Variants in CNTNAP4 observed in about 807,000 individuals in gnomAD.
CNTNAP4 encodes contactin associated protein family member 4.
CNTNAP4 carries 98 observed loss-of-function variants against 148.4 expected under a neutral mutation model. The observed-to-expected ratio is 0.66, with a 90% confidence interval of 0.56 to 0.78. The LOEUF (loss-of-function observed/expected upper bound fraction) is 0.78. Among genes scored for constraint, CNTNAP4 ranks in the 30% least tolerant of loss-of-function variants. The probability of loss-of-function intolerance (pLI) is 0.00; values close to 1 mark genes in which losing one functional copy is unlikely to be tolerated. For synonymous variants in CNTNAP4, 730 were observed against 565.1 expected (o/e 1.29, Z -4.14); for missense variants, 1,935 against 1,565.6 (o/e 1.24, Z -3.98).
intron 17 of CNTNAP4, among the ~76,000 whole-genome samples, chr16:76,523,663 T>G (rs2083584295): frequency 6.6e-6 from 1 of 152,150 alleles, no homozygotes; most frequent in African/African-American, 2.4e-5. Context: ...AGGCCAGGCA[T>G]GATGTAGTCC....
chr16:76,394,808 T>G (rs1472411272), intron 3 of CNTNAP4, among the ~76,000 whole-genome samples: 2 of 152,106 alleles, frequency 1.3e-5, no homozygotes, highest in African/African-American at 4.8e-5. Context: ...ATTTCTGTGA[T>G]GAGTGATACA....
At chr16:76,516,888 A>G (rs1418243848) in intron 15 of CNTNAP4, among the ~76,000 whole-genome samples, 1 of 152,114 alleles carries the variant, frequency 6.6e-6, no homozygotes, top group Non-Finnish European at 1.5e-5. Flanking sequence ...ACATGGTGAA[A>G]CCCTGTCTCT....
intron 11 of CNTNAP4, among the ~76,000 whole-genome samples, chr16:76,476,711 A>T (rs2081597455): frequency 6.6e-6 from 1 of 152,072 alleles, no homozygotes; most frequent in South Asian, 2.1e-4. Flanking sequence ...TTTCTCTGGG[A>T]AATCTTTTAC....
At chr16:76,334,242 AT>A (rs201591904) in intron 2 of CNTNAP4, among the ~76,000 whole-genome samples, 4 of 150,532 alleles carry the variant, frequency 2.7e-5, no homozygotes, top group African/African-American at 7.3e-5. Flanking sequence ...TTTGAGGTTT[AT>A]TTTTTTTTCA....
chr16:76,379,821 C>T (rs117349574), intron 3 of CNTNAP4, among the ~76,000 whole-genome samples: 3,762 of 152,194 alleles, frequency 0.025, 62 homozygotes, highest in Middle Eastern at 0.051. Context: ...TTCATGGATC[C>T]GTAATATTCT....
intron 3 of CNTNAP4, among the ~76,000 whole-genome samples, chr16:76,366,365 T>C (rs867846372): frequency 1.3e-5 from 2 of 152,182 alleles, no homozygotes; most frequent in Non-Finnish European, 2.9e-5. Flanking sequence ...CTCCCACTTA[T>C]AAGTAGGAAC....
intron 3 of CNTNAP4, among the ~76,000 whole-genome samples, chr16:76,377,218 C>T (rs957223035): frequency 2.6e-5 from 4 of 152,044 alleles, no homozygotes; most frequent in African/African-American, 9.7e-5. Context: ...AGATAATTTG[C>T]TTTACTTAGT....
chr16:76,342,547 A>G (rs1257437189), intron 2 of CNTNAP4, among the ~76,000 whole-genome samples: 4 of 131,600 alleles, frequency 3.0e-5, no homozygotes, highest in South Asian at 2.3e-4. Flanking sequence ...ATCTCGGCTC[A>G]CTGCAAGCTC....
intron 23 of CNTNAP4, among the ~76,000 whole-genome samples, chr16:76,554,126 A>G (rs986518681): frequency 5.9e-5 from 9 of 152,166 alleles, no homozygotes; most frequent in African/African-American, 2.2e-4. Context: ...ATAATTGACA[A>G]TTTCACTGAA....
chr16:76,356,001 A>G (rs1352294207), intron 3 of CNTNAP4, among the ~76,000 whole-genome samples: 2 of 151,786 alleles, frequency 1.3e-5, no homozygotes, highest in Non-Finnish European at 1.5e-5. Context: ...CAGCCTCCCA[A>G]GTAGCTTGGA....
chr16:76,285,538 T>C (rs1007654091), intron 1 of CNTNAP4, among the ~76,000 whole-genome samples: 4 of 152,092 alleles, frequency 2.6e-5, no homozygotes, highest in African/African-American at 9.7e-5. Context: ...TAAGATATTA[T>C]GGGCTTCTAA....
chr16:76,491,185 C>A (rs1051518631), intron 13 of CNTNAP4, among the ~76,000 whole-genome samples: 11 of 152,088 alleles, frequency 7.2e-5, no homozygotes, highest in Admixed American at 1.3e-4. Flanking sequence ...TTTCATTTGG[C>A]CTCTACCCCT....
chr16:76,409,207 A>G (rs1470080384), intron 3 of CNTNAP4, among the ~76,000 whole-genome samples: 1 of 151,960 alleles, frequency 6.6e-6, no homozygotes, highest in Non-Finnish European at 1.5e-5. Flanking sequence ...CCTCAGATAC[A>G]TTTATTTTAA....
At chr16:76,377,725 C>T (rs1567921418) in intron 3 of CNTNAP4, among the ~76,000 whole-genome samples, 1 of 152,100 alleles carries the variant, frequency 6.6e-6, no homozygotes, top group Non-Finnish European at 1.5e-5. Context: ...TTTTCTCTCC[C>T]TCATTTTTTT....
At chr16:76,369,480 T>C (rs188973174) in intron 3 of CNTNAP4, among the ~76,000 whole-genome samples, 2 of 152,230 alleles carry the variant, frequency 1.3e-5, no homozygotes, top group Admixed American at 1.3e-4. Flanking sequence ...TCTAATTTAG[T>C]CTAAGTCTGA....
At chr16:76,322,326 T>C (rs1962509629) in intron 2 of CNTNAP4, among the ~76,000 whole-genome samples, 1 of 152,196 alleles carries the variant, frequency 6.6e-6, no homozygotes, top group South Asian at 2.1e-4. Flanking sequence ...GGTGCTAATA[T>C]GGCTGAAACT....
At chr16:76,359,054 T>C (rs866800510) in intron 3 of CNTNAP4, among the ~76,000 whole-genome samples, 2 of 152,204 alleles carry the variant, frequency 1.3e-5, no homozygotes, top group Non-Finnish European at 2.9e-5. Context: ...TCTCTTGACT[T>C]TTCTGCCTGG....
chr16:76,436,461 T>C (rs1384684501), intron 4 of CNTNAP4, among the ~76,000 whole-genome samples: 1 of 143,792 alleles, frequency 7.0e-6, no homozygotes, highest in Non-Finnish European at 1.5e-5. Flanking sequence ...TGATAAGAGC[T>C]CATGTCTGAT....
At chr16:76,288,899 AT>A (rs1395848408) in intron 1 of CNTNAP4, among the ~76,000 whole-genome samples, 1 of 152,036 alleles carries the variant, frequency 6.6e-6, no homozygotes, top group East Asian at 1.9e-4. Context: ...GATCCCATTG[AT>A]TTTTGCTATC....
Sources: allele counts gnomAD v4.1 joint callset (sites outside exome capture counted in the v4.1 genomes callset), GRCh38; gene constraint gnomAD v4.1.1; transcripts MANE v1.5; gene names NCBI Gene and HGNC (gene_info 2026-07-23, HGNC 2026-07-21).